UBR2: variants seen among roughly 807,000 people sequenced by gnomAD.
UBR2 encodes E3 ubiquitin-protein ligase UBR2.
UBR2 carries 92 observed loss-of-function variants against 247.9 expected under a neutral mutation model. The observed-to-expected ratio is 0.37, with a 90% CI of 0.31 to 0.44. The LOEUF (loss-of-function observed/expected upper bound fraction) is 0.44, where lower values mean the gene tolerates loss of function less well. UBR2 is among the 20% of genes least tolerant of loss of function. UBR2 has a pLI of 1.00. For synonymous variants in UBR2, 672 were observed against 693.5 expected (o/e 0.97, Z 0.49); for missense variants, 1,613 against 2,112.6 (o/e 0.76, Z 4.64).
At position 42,652,541 on chromosome 6, in the gene UBR2, G is replaced by C; in HGVS notation, c.2665G>C (p.Val889Leu). 1.2e-6 allele frequency: 2 copies of C among 1,613,152 alleles called. No individual in the cohort carries two copies. Among genetic ancestry groups the C allele is most frequent in the Non-Finnish European group, 1.7e-6 (2 of 1,179,878 alleles). ...ATTCTGCCCTCTGTTTGCAAGCCTG[G>C]TTAACATTTTGCAGTCAGATGTCAT... ...PPFCPLFASL[V>L]NILQSDVMLC... Residue 889 changes from valine to leucine, a missense_variant, in exon 25 of 47, where the codon GTT (valine) becomes CTT (leucine). Val to Leu is a conservative substitution (Grantham distance 32). Transcript: ENST00000372901.
At position 42,605,702 on chromosome 6, in the gene UBR2, T is replaced by C. The variant is rs1793655036; in HGVS notation, c.663-19T>C. ...TAATAAACAAATAGATAATATATCA[T>C]GAATATTTTATCACACAGAGAGAAG... On this transcript the variant is annotated intron_variant, in intron 5 of 46. Coordinates refer to ENST00000372901, the MANE Select transcript of UBR2 (RefSeq NM_001363705.2). 3 of 1,588,584 alleles carry C rather than the reference T, an allele frequency of 1.9e-6. No individual in the cohort carries two copies.
chr6:42,590,842 A>C (rs1460343547), intron 2 of UBR2, among the ~76,000 whole-genome samples: 1 of 152,262 alleles, frequency 6.6e-6, no homozygotes, highest in African/African-American at 2.4e-5. Flanking sequence ...ACTTGCTATC[A>C]AATATCTAGA....
At chr6:42,632,949 C>CTTTTTTTTTTTTT in intron 13 of UBR2, 45 bp downstream of exon 13, 3 of 906,890 alleles carry the variant, frequency 3.3e-6, no homozygotes, top group South Asian at 3.0e-5. Flanking sequence ...TTTTTTTTTT[C>CTTTTTTTTTTTTT]TCTTTTCTCT....
intron 2 of UBR2, among the ~76,000 whole-genome samples, chr6:42,579,543 G>A (rs1413017142): frequency 6.6e-6 from 1 of 152,044 alleles, no homozygotes; most frequent in Non-Finnish European, 1.5e-5. Flanking sequence ...CTTTTTTTGA[G>A]ACAGAGTCCC....
Position 42,689,269 on chromosome 6 carries a change from G to A in UBR2, c.5025-300G>A, listed in dbSNP as rs1395271010. On this transcript the variant is annotated intron_variant, in intron 45 of 46. Transcript: ENST00000372901. This position sits in a 1 kb window ranked among gnomAD's most constrained non-coding sequence, Gnocchi z 4.0. Reference sequence around the variant, plus strand: ...CTCTGGAGCATAGGTTGTATCCATAGCTTAGTCATCCCCCCAGTACCTTGA... The same window carrying A: ...CTCTGGAGCATAGGTTGTATCCATAACTTAGTCATCCCCCCAGTACCTTGA... 6.6e-6 allele frequency among the ~76,000 whole-genome samples: 1 copy of A among 152,140 alleles called. No homozygotes were observed. Among genetic ancestry groups the A allele is most frequent in the African/African-American group, 2.4e-5 (1 of 41,424 alleles).
At chr6:42,609,767 C>T (rs1429177644) in intron 7 of UBR2, among the ~76,000 whole-genome samples, 2 of 151,468 alleles carry the variant, frequency 1.3e-5, no homozygotes, top group Non-Finnish European at 2.9e-5. Flanking sequence ...TGGTGGCACA[C>T]ACCTGCAGTC....
intron 11 of UBR2, among the ~76,000 whole-genome samples, chr6:42,626,400 C>T (rs1795351432): frequency 6.6e-6 from 1 of 152,122 alleles, no homozygotes; most frequent in African/African-American, 2.4e-5. Flanking sequence ...ATAAAGGATG[C>T]CCCTTGCCTT....
At position 42,659,930 on chromosome 6, in the gene UBR2, T is replaced by C; in HGVS notation, c.3442+75T>C. 7.0e-7 allele frequency: 1 copy of C among 1,434,580 alleles called. No individual in the cohort carries two copies. Among genetic ancestry groups the C allele is most frequent in the Non-Finnish European group, 9.7e-7 (1 of 1,036,146 alleles). 88.9% of individuals were successfully genotyped at this position (1,434,580 alleles called of 1,614,324 possible). On this transcript the variant is annotated intron_variant, in intron 30 of 46. Transcript: ENST00000372901. The surrounding 1 kb of genome is among the most constrained non-coding windows in gnomAD (Gnocchi z 4.3). ...TAATGTGGTTGGTGATACGTTGAGA[T>C]TTTTTAAACCTAAAAATAACTCCAT...
intron 21 of UBR2, among the ~76,000 whole-genome samples, chr6:42,646,102 T>G (rs569970414): frequency 6.6e-6 from 1 of 152,206 alleles, no homozygotes; most frequent in Non-Finnish European, 1.5e-5. Flanking sequence ...ATTCATAGGT[T>G]AAATTGCAAC....
Position 42,564,232 on chromosome 6 carries a change from G to T in UBR2, c.-88G>T. ...GACGGCTCCGGGACTGATTGCCTGG[G>T]GCAGGGGTGGCAGTCGAGGCCGCCG... On this transcript the variant is annotated 5_prime_UTR_variant, in exon 1 of 47. Coordinates refer to ENST00000372901, the MANE Select transcript of UBR2 (RefSeq NM_001363705.2). 1.4e-6 allele frequency: 2 copies of T among 1,469,864 alleles called. No individual in the cohort carries two copies. The highest frequency in any genetic ancestry group is 1.9e-6 in the Non-Finnish European group (2 of 1,074,854). The allele number at this position is 1,469,864 out of a possible 1,614,324, so 91.1% of individuals were successfully genotyped here.
At chr6:42,580,831 G>A (rs558480181) in intron 2 of UBR2, among the ~76,000 whole-genome samples, 5 of 152,212 alleles carry the variant, frequency 3.3e-5, no homozygotes, top group East Asian at 3.9e-4. Flanking sequence ...GTGAGCCACC[G>A]CGCCCGGCCT....
intron 17 of UBR2, 32 bp downstream of exon 17, chr6:42,641,724 C>T (rs771318477): frequency 6.4e-7 from 1 of 1,562,640 alleles, no homozygotes; most frequent in Admixed American, 1.7e-5. Context: ...GAAGAGTTTT[C>T]ATTCCATTCT....
intron 2 of UBR2, among the ~76,000 whole-genome samples, chr6:42,586,347 CA>C (rs1469146998): frequency 2.6e-5 from 4 of 152,246 alleles, no homozygotes; most frequent in Admixed American, 2.6e-4. Context: ...GCAACACAGC[CA>C]GACCTTGTCT....
Position 42,645,472 on chromosome 6 carries a change from G to A in UBR2, c.2291G>A (p.Arg764Lys), listed in dbSNP as rs761590207. Residue 764 changes from arginine (R) to lysine (K), a missense_variant, in exon 21 of 47, where the codon AGA (arginine) becomes AAA (lysine). Arg to Lys is a conservative substitution (Grantham distance 26, BLOSUM62 2). Coordinates refer to ENST00000372901, the MANE Select transcript of UBR2 (RefSeq NM_001363705.2). The stretch of plus-strand genomic sequence containing the variant: ...ACTTTTCCATTTTTGACAGGAGAGA[G>A]ATTTAGTCCTGGAGTTGGACAGGTA... ...LYLIIMLVGE[R>K]FSPGVGQVNA... 3 of 1,613,048 alleles carry A rather than the reference G, an allele frequency of 1.9e-6. No homozygotes were observed. Among genetic ancestry groups the A allele is most frequent in the Non-Finnish European group, 2.5e-6 (3 of 1,179,614 alleles).
rs1562371813 is a variant in UBR2 at position 42,659,769 on chromosome 6, T to C, written c.3356T>C (p.Val1119Ala). 1 of 1,614,110 alleles carries C rather than the reference T, an allele frequency of 6.2e-7. No individual in the cohort carries two copies. The highest frequency in any genetic ancestry group is 8.5e-7 in the Non-Finnish European group (1 of 1,180,018). Reference sequence around the variant, plus strand: ...TGTCAAGAGGAGCAAGAAGTTAAAGTGGAAAGCAGGGCAATGGTCTTGGCA... The same window carrying C: ...TGTCAAGAGGAGCAAGAAGTTAAAGCGGAAAGCAGGGCAATGGTCTTGGCA... ...ILCQEEQEVKVESRAMVLAAF... is the reference protein window; with the variant it reads ...ILCQEEQEVKAESRAMVLAAF... The change falls in exon 30 of 47, where the codon GTG (valine) becomes GCG (alanine). Residue 1119 changes from valine (V) to alanine (A), a missense_variant. Val to Ala is a moderately conservative substitution (Grantham distance 64). Around this residue, in one of 3 missense-constraint regions of UBR2, gnomAD observed 1,524 missense variants for 1,967.3 expected, o/e 0.77. Coordinates refer to ENST00000372901, the MANE Select transcript of UBR2 (RefSeq NM_001363705.2). This position sits in a 1 kb window ranked among gnomAD's most constrained non-coding sequence, Gnocchi z 4.3.
At chr6:42,621,432 A>G (rs1457531201) in intron 11 of UBR2, among the ~76,000 whole-genome samples, 1 of 152,110 alleles carries the variant, frequency 6.6e-6, no homozygotes, top group African/African-American at 2.4e-5. Flanking sequence ...TTCCAGCTTT[A>G]TTCCTCAGAG....
At chr6:42,577,736 T>G (rs897336244) in intron 2 of UBR2, among the ~76,000 whole-genome samples, 1 of 152,140 alleles carries the variant, frequency 6.6e-6, no homozygotes, top group African/African-American at 2.4e-5. Flanking sequence ...TTAGTGTAGT[T>G]AAATTGAGAA....
At chr6:42,681,005 T>TA (rs1043861348) in intron 42 of UBR2, among the ~76,000 whole-genome samples, 1 of 151,626 alleles carries the variant, frequency 6.6e-6, no homozygotes, top group African/African-American at 2.4e-5. Flanking sequence ...CTACTAAAAA[T>TA]ACAAAAAATT....
At position 42,641,969 on chromosome 6, in the gene UBR2, C is replaced by A. The variant is rs114688337; in HGVS notation, c.2031+277C>A. Among the ~76,000 whole-genome samples the A allele has an allele frequency of 4.5e-3, 686 of 152,116 alleles. 3 individuals are homozygous for A. The highest frequency in any genetic ancestry group is 0.014 in the African/African-American group (566 of 41,488). ...TAAAAAATAAAAACCCAGATTTTAT[C>A]TATTTAAATCAAATTGAATTAAAAG... On this transcript the variant is annotated intron_variant, in intron 17 of 46. Coordinates refer to ENST00000372901, the MANE Select transcript of UBR2 (RefSeq NM_001363705.2).
Sources: gnomAD v4.1 joint callset for allele counts (sites outside exome capture counted in the v4.1 genomes callset) on GRCh38, gnomAD v4.1.1 for gene constraint, gnomAD v4.1.1 regional missense constraint, Gnocchi (gnomAD v3.1) non-coding constraint, MANE v1.5 for transcripts, NCBI Gene and HGNC (gene_info 2026-07-23, HGNC 2026-07-21) for gene names.